Variants in GALNT5 observed in about 807,000 individuals in gnomAD.
The protein encoded by GALNT5 is UDP-GalNAc:polypeptide N-acetylgalactosaminyltransferase 5.
In GALNT5, 72 loss-of-function variants were observed where a neutral mutation model predicts 85.4. That is an observed-to-expected ratio of 0.84 (90% CI 0.70 to 1.03). GALNT5 has a LOEUF of 1.03. GALNT5 is among the 50% of genes least tolerant of loss of function. The probability of loss-of-function intolerance (pLI) is 0.00; values close to 1 mark genes in which losing one functional copy is unlikely to be tolerated. For synonymous variants in GALNT5, 404 were observed against 397.0 expected, an observed-to-expected ratio of 1.02 and a Z score of -0.21; for missense variants, 1,137 against 1,135.5, an observed-to-expected ratio of 1.00 and a Z score of -0.02.
In GALNT5 at chr2:157,257,776, T is replaced by C. The variant is rs897502889; in HGVS notation, c.-307T>C. ...GCTCCCGGAGACAAGACAAGTGATA[T>C]GTTGAACTGTTCGGTGGCTGGAATC... is the stretch of plus-strand genomic sequence containing the variant. On this transcript the variant is annotated 5_prime_UTR_variant, in exon 1 of 10. The change abolishes an upstream ATG in the 5' untranslated region. Coordinates refer to ENST00000259056, the MANE Select transcript of GALNT5 (RefSeq NM_014568.3). 13 of 350,440 alleles carry C rather than the reference T, an allele frequency of 3.7e-5. No homozygotes were observed. In the Admixed American group the frequency reaches 5.6e-4, roughly 15 times the overall value. 21.7% of individuals were successfully genotyped at this position (350,440 alleles called of 1,614,324 possible).
intron 1 of GALNT5, among the ~76,000 whole-genome samples, chr2:157,271,322 T>A (rs78757843): frequency 0.021 from 3,222 of 152,252 alleles, 58 homozygotes; most frequent in South Asian, 0.06. Flanking sequence ...TGACAGGCAG[T>A]TGGAAAGTTG....
intron 3 of GALNT5, among the ~76,000 whole-genome samples, chr2:157,292,520 C>G (rs769728888): frequency 2.0e-5 from 3 of 152,130 alleles, no homozygotes; most frequent in Non-Finnish European, 4.4e-5. Context: ...TGAGAATTTT[C>G]ATAGGGATCT....
In GALNT5 at chr2:157,296,385, C is replaced by T; in HGVS notation, c.1878-9C>T. The stretch of plus-strand genomic sequence containing the variant: ...CAGATAACACTTTGTTTTTCATTTC[C>T]TGGATTAGTTACATGACAGTGGATA... On this transcript the variant is annotated splice_polypyrimidine_tract_variant and intron_variant, in intron 4 of 9. Transcript: ENST00000259056. 6.2e-7 allele frequency: 1 copy of T among 1,602,472 alleles called. No individual in the cohort carries two copies. The highest frequency in any genetic ancestry group is 1.1e-5 in the South Asian group (1 of 90,402).
chr2:157,304,843 G>A (rs940947866), intron 7 of GALNT5, among the ~76,000 whole-genome samples: 1 of 152,164 alleles, frequency 6.6e-6, no homozygotes, highest in Non-Finnish European at 1.5e-5. Context: ...GCAATTCTGT[G>A]AGCATCCAGT....
chr2:157,299,489 C>G, intron 5 of GALNT5, 59 bp from the exon 6 acceptor site: 1 of 978,722 alleles, frequency 1.0e-6, no homozygotes, highest in South Asian at 1.4e-5. Context: ...AGAGGAACAA[C>G]TCTAAAAGTC....
At chr2:157,307,066 C>A (rs1683469367) in intron 8 of GALNT5, among the ~76,000 whole-genome samples, 1 of 151,638 alleles carries the variant, frequency 6.6e-6, no homozygotes, top group Admixed American at 6.6e-5. Context: ...GAGTAACCAG[C>A]ATTTTATCTG....
intron 3 of GALNT5, among the ~76,000 whole-genome samples, chr2:157,290,799 T>C (rs1357357237): frequency 2.0e-5 from 3 of 151,952 alleles, no homozygotes; most frequent in Non-Finnish European, 4.4e-5. Flanking sequence ...GGTCCCAGGG[T>C]ATTAGGAGGC....
chr2:157,269,848 T>C (rs1001223452), intron 1 of GALNT5, among the ~76,000 whole-genome samples: 6 of 152,158 alleles, frequency 3.9e-5, no homozygotes, highest in African/African-American at 1.4e-4. Context: ...ACTGGATGTT[T>C]CTCAGACCAA....
At chr2:157,287,178 T>C (rs1682999607) in intron 3 of GALNT5, among the ~76,000 whole-genome samples, 1 of 152,188 alleles carries the variant, frequency 6.6e-6, no homozygotes, top group Admixed American at 6.5e-5. Flanking sequence ...ACTTTGGGAT[T>C]AAGAAGTAAT....
intron 1 of GALNT5, among the ~76,000 whole-genome samples, chr2:157,281,105 G>A (rs1313018648): frequency 1.3e-5 from 2 of 152,104 alleles, no homozygotes; most frequent in African/African-American, 2.4e-5. Flanking sequence ...CACCCAGGCT[G>A]GAGTACAGCA....
intron 8 of GALNT5, 134 bp downstream of exon 8, chr2:157,305,963 C>T (rs3214039): frequency 0.87 from 520,312 of 594,972 alleles, 230,207 homozygotes; most frequent in Middle Eastern, 0.93. Context: ...AGAGAGTCCA[C>T]CACTAAACAC....
intron 9 of GALNT5, among the ~76,000 whole-genome samples, chr2:157,309,137 T>C (rs967254150): frequency 3.3e-5 from 5 of 152,150 alleles, no homozygotes; most frequent in Admixed American, 3.3e-4. Context: ...GTGAATCTGG[T>C]TCCTCATTCT....
At chr2:157,284,893 C>T (rs1682938489) in intron 2 of GALNT5, among the ~76,000 whole-genome samples, 1 of 152,178 alleles carries the variant, frequency 6.6e-6, no homozygotes, top group South Asian at 2.1e-4. Flanking sequence ...ATGATGTGTT[C>T]AGTTAAGTGT....
intron 3 of GALNT5, among the ~76,000 whole-genome samples, chr2:157,293,908 T>C (rs1683155653): frequency 1.3e-5 from 2 of 152,234 alleles, no homozygotes; most frequent in African/African-American, 4.8e-5. Context: ...TATTTTCTAA[T>C]ATCACATTGC....
chr2:157,273,630 CTTTTTTTTTTTTTTTT>C, intron 1 of GALNT5, among the ~76,000 whole-genome samples: 1 of 23,744 alleles, frequency 4.2e-5, no homozygotes, highest in East Asian at 1.6e-3. Context: ...ATATTTCTTG[CTTTTTTTTTTTTTTTT>C]TTTTTTTTTT....
intron 9 of GALNT5, 113 bp from the exon 10 acceptor site, chr2:157,311,095 T>C (rs1683559555): frequency 1.2e-6 from 1 of 847,974 alleles, no homozygotes; most frequent in African/African-American, 1.7e-5. Flanking sequence ...AGAAGAATTC[T>C]TAAAAATCAA....
intron 5 of GALNT5, among the ~76,000 whole-genome samples, chr2:157,297,192 C>G (rs1683232043): frequency 6.6e-6 from 1 of 152,124 alleles, no homozygotes; most frequent in African/African-American, 2.4e-5. Flanking sequence ...CACAAGTAAG[C>G]CAGCCCCAAC....
intron 1 of GALNT5, among the ~76,000 whole-genome samples, chr2:157,274,500 T>C (rs1402428401): frequency 2.0e-5 from 3 of 152,258 alleles, no homozygotes; most frequent in Non-Finnish European, 4.4e-5. Flanking sequence ...TGTTGTTTCC[T>C]GACTTTTTAA....
chr2:157,310,892 C>G (rs958105219), intron 9 of GALNT5, among the ~76,000 whole-genome samples: 1 of 152,120 alleles, frequency 6.6e-6, no homozygotes, highest in Non-Finnish European at 1.5e-5. Context: ...TATCATCTAT[C>G]AAATCCAATA....
Sources: allele counts gnomAD v4.1 joint callset (sites outside exome capture counted in the v4.1 genomes callset), GRCh38; gene constraint gnomAD v4.1.1; transcripts MANE v1.5; gene names NCBI Gene and HGNC (gene_info 2026-07-23, HGNC 2026-07-21).